ADAMTS3: variants seen among roughly 807,000 people sequenced by gnomAD.
ADAMTS3 encodes ADAM metallopeptidase with thrombospondin type 1 motif 3, also known as A disintegrin and metalloproteinase with thrombospondin motifs 3.
A neutral mutation model predicts 129.0 loss-of-function variants in ADAMTS3; 73 were observed. That is an observed-to-expected ratio of 0.57 (90% CI 0.47 to 0.69). The LOEUF (loss-of-function observed/expected upper bound fraction) is 0.69. ADAMTS3 is among the 30% of genes least tolerant of loss of function. The pLI is 0.00. For synonymous variants in ADAMTS3, 477 were observed against 510.8 expected (o/e 0.93, Z 0.89); for missense variants, 1,457 against 1,514.5 (o/e 0.96, Z 0.63).
rs916074756 is a variant in ADAMTS3 at position 72,442,188 on chromosome 4, G to A, written c.505-27217C>T. 11 of 151,862 alleles carry A rather than the reference G, an allele frequency of 7.2e-5. No homozygotes were observed. In the East Asian group the frequency reaches 2.2e-3, roughly 30 times the overall value. The allele number at this position is 151,862 out of a possible 1,614,324, so 9.4% of individuals were successfully genotyped here. A position where few individuals can be genotyped will look rare whatever the true frequency, so the allele number is the denominator to read the frequency against. ...AAGGACTTGCTTCTCCATGTGGCTAGAGTGTCTCACAGGTGTGATGACAGA... is the reference window on the plus strand; with the variant it reads ...AAGGACTTGCTTCTCCATGTGGCTAAAGTGTCTCACAGGTGTGATGACAGA... On this transcript the variant is annotated intron_variant, in intron 3 of 21. Coordinates refer to ENST00000286657, the MANE Select transcript of ADAMTS3 (RefSeq NM_014243.3).
chr4:72,444,791 CAAG>C (rs1718209072), intron 3 of ADAMTS3, among the ~76,000 whole-genome samples: 1 of 151,674 alleles, frequency 6.6e-6, no homozygotes, highest in Non-Finnish European at 1.5e-5. Context: ...AAAGTGGAAA[CAAG>C]CCATTGTCTG....
intron 4 of ADAMTS3, among the ~76,000 whole-genome samples, chr4:72,368,213 G>A (rs779199605): frequency 2.0e-5 from 3 of 152,052 alleles, no homozygotes; most frequent in Non-Finnish European, 4.4e-5. Context: ...AATTGAGATG[G>A]CTTTCTAAAA....
chr4:72,342,642 G>A (rs1356726007), intron 4 of ADAMTS3, among the ~76,000 whole-genome samples: 1 of 152,134 alleles, frequency 6.6e-6, no homozygotes, highest in African/African-American at 2.4e-5. Flanking sequence ...AAAGTGCTGG[G>A]ATTATAGGCG....
At chr4:72,463,505 T>C (rs1206432724) in intron 3 of ADAMTS3, among the ~76,000 whole-genome samples, 1 of 151,938 alleles carries the variant, frequency 6.6e-6, no homozygotes, top group African/African-American at 2.4e-5. Flanking sequence ...AAAGCCACAA[T>C]GAACAGCAAG....
chr4:72,533,673 A>ATATGTATATATATATATATATG (rs1164175826), intron 3 of ADAMTS3, among the ~76,000 whole-genome samples: 4 of 151,476 alleles, frequency 2.6e-5, no homozygotes, highest in East Asian at 1.9e-4. Context: ...GTATATGCAC[A>ATATGTATATATATATATATATG]TATATGCACA....
intron 5 of ADAMTS3, among the ~76,000 whole-genome samples, chr4:72,335,698 T>C (rs1335816075): frequency 1.3e-5 from 2 of 152,156 alleles, no homozygotes; most frequent in Non-Finnish European, 2.9e-5. Context: ...CTGTTTCCTT[T>C]GGAAAAATTG....
At chr4:72,492,050 G>A (rs942425857) in intron 3 of ADAMTS3, among the ~76,000 whole-genome samples, 3 of 151,218 alleles carry the variant, frequency 2.0e-5, no homozygotes, top group South Asian at 2.1e-4. Context: ...CTAGTTTTTC[G>A]GGATATAATT....
chr4:72,314,666 T>G (rs1719342579), intron 11 of ADAMTS3, among the ~76,000 whole-genome samples: 4 of 152,176 alleles, frequency 2.6e-5, no homozygotes, highest in Admixed American at 2.6e-4. Context: ...AAAGCAAAAA[T>G]GAATTAACTC....
At position 72,448,890 on chromosome 4, in the gene ADAMTS3, T is replaced by A. The variant is rs548703444; in HGVS notation, c.505-33919A>T. On this transcript the variant is annotated intron_variant, in intron 3 of 21. Transcript: ENST00000286657. ...ATTTTAACTCTTTAAAATTTTATAA[T>A]TTTTACCATTATTTTCTCATTCCAG... Among the ~76,000 whole-genome samples, 50 of 151,874 alleles carry A rather than the reference T, an allele frequency of 3.3e-4. No homozygotes were observed. The Middle Eastern group carries it at 0.02, about 62-fold the overall frequency.
At chr4:72,351,938 C>T (rs755038704) in intron 4 of ADAMTS3, among the ~76,000 whole-genome samples, 3 of 151,806 alleles carry the variant, frequency 2.0e-5, no homozygotes, top group Non-Finnish European at 4.4e-5. Flanking sequence ...TATAAATTAG[C>T]GTTCATTGTT....
At chr4:72,546,682 T>A (rs1721475367) in intron 3 of ADAMTS3, among the ~76,000 whole-genome samples, 1 of 152,174 alleles carries the variant, frequency 6.6e-6, no homozygotes, top group South Asian at 2.1e-4. Flanking sequence ...ACATAAAGCC[T>A]ACTAACCAAA....
chr4:72,373,893 A>G (rs1721074116), intron 4 of ADAMTS3, among the ~76,000 whole-genome samples: 1 of 143,272 alleles, frequency 7.0e-6, no homozygotes, highest in African/African-American at 2.7e-5. Flanking sequence ...GCAAGACCCC[A>G]TCTCAAAATA....
intron 5 of ADAMTS3, among the ~76,000 whole-genome samples, chr4:72,333,992 T>C (rs989086578): frequency 1.3e-5 from 2 of 151,658 alleles, no homozygotes; most frequent in Admixed American, 6.6e-5. Context: ...TAGCTGGGAC[T>C]ACAGGCACCT....
Position 72,567,425 on chromosome 4 carries a change from A to G in ADAMTS3, c.70-24T>C, listed in dbSNP as rs569499418. On this transcript the variant is annotated intron_variant, in intron 1 of 21. Coordinates refer to ENST00000286657, the MANE Select transcript of ADAMTS3 (RefSeq NM_014243.3). ...GCCTGGAAAGGAGGGGGAAAGCAAGAAAAAGAAAGTTACTGGGTTTCATCT... is the reference window on the plus strand; with the variant it reads ...GCCTGGAAAGGAGGGGGAAAGCAAGGAAAAGAAAGTTACTGGGTTTCATCT... 3.1e-6 allele frequency: 5 copies of G among 1,612,328 alleles called. No individual in the cohort carries two copies. The African/African-American group carries it at 5.3e-5, about 17-fold the overall frequency.
rs1424067297 is a variant in ADAMTS3, at chr4:72,283,608, G to C, written c.3146C>G (p.Ser1049Cys). 3.7e-6 allele frequency: 6 copies of C among 1,613,776 alleles called. No individual in the cohort carries two copies. The highest frequency in any genetic ancestry group is 5.1e-6 in the Non-Finnish European group (6 of 1,179,936). ...IPGYNKLCCESCSKRSSTLPP... is the reference protein window; with the variant it reads ...IPGYNKLCCECCSKRSSTLPP... The stretch of plus-strand genomic sequence containing the variant: ...CAGGGTGCTACTGCGCTTGCTGCAG[G>C]ACTCACAACATAACTTGTTATAACC... The change falls in exon 22 of 22, where the codon TCC becomes TGC. Residue 1049 changes from serine to cysteine, a missense_variant. Ser to Cys is a moderately radical substitution (Grantham distance 112). Coordinates refer to ENST00000286657, the MANE Select transcript of ADAMTS3 (RefSeq NM_014243.3).
chr4:72,396,618 A>G (rs1464161068), intron 4 of ADAMTS3, among the ~76,000 whole-genome samples: 1 of 152,158 alleles, frequency 6.6e-6, no homozygotes, highest in Non-Finnish European at 1.5e-5. Flanking sequence ...CCCACACTAC[A>G]TCAGAGCAGG....
chr4:72,530,760 T>G (rs1444126186), intron 3 of ADAMTS3, among the ~76,000 whole-genome samples: 1 of 4,120 alleles, frequency 2.4e-4, no homozygotes, highest in Non-Finnish European at 4.9e-4. Context: ...TATTATATAT[T>G]ATATAGATTA....
intron 3 of ADAMTS3, among the ~76,000 whole-genome samples, chr4:72,546,474 T>TGTCCTAGATAAACCCCC (rs1158420004): frequency 4.6e-5 from 7 of 151,864 alleles, no homozygotes; most frequent in Non-Finnish European, 1.0e-4. Flanking sequence ...TGAAAACCTC[T>TGTCCTAGATAAACCCCC]GTCCTAGATA....
chr4:72,525,501 C>T (rs1392103667), intron 3 of ADAMTS3, among the ~76,000 whole-genome samples: 3 of 152,172 alleles, frequency 2.0e-5, no homozygotes, highest in Non-Finnish European at 2.9e-5. Flanking sequence ...AGAACTGACA[C>T]TTAAAATAAA....
Sources: allele counts gnomAD v4.1 joint callset (sites outside exome capture counted in the v4.1 genomes callset), GRCh38; gene constraint gnomAD v4.1.1; transcripts MANE v1.5; gene names NCBI Gene and HGNC (gene_info 2026-07-23, HGNC 2026-07-21).